AGBL1: variants seen among roughly 807,000 people sequenced by gnomAD.
AGBL1 encodes the protein cytosolic carboxypeptidase 4.
AGBL1 carries 130 observed loss-of-function variants against 118.9 expected under a neutral mutation model. The observed-to-expected ratio is 1.09, with a 90% CI of 0.95 to 1.26. The LOEUF is 1.26. AGBL1 is among the 50% of genes most tolerant of loss of function. The pLI, the probability that AGBL1 is intolerant of heterozygous loss-of-function variation, is 0.00. For missense variants in AGBL1, 1,584 were observed against 1,298.1 expected (o/e 1.22, Z -3.38); for synonymous variants, 555 against 478.9 (o/e 1.16, Z -2.08).
chr15:86,173,240 T>A (rs2077438671), intron 5 of AGBL1: 1 of 152,274 alleles, frequency 6.6e-6, no homozygotes, highest in Non-Finnish European at 1.5e-5. Context: ...TACTCTCAGA[T>A]GTCTCTACCA....
intron 17 of AGBL1, among the ~76,000 whole-genome samples, chr15:86,395,314 T>C (rs1245421867): frequency 6.6e-6 from 1 of 152,098 alleles, no homozygotes; most frequent in Non-Finnish European, 1.5e-5. Context: ...TTTTGGCATA[T>C]GTCCCTTTCT....
At chr15:86,263,013 C>T in intron 10 of AGBL1, 119 bp downstream of exon 10, 1 of 723,256 alleles carries the variant, frequency 1.4e-6, no homozygotes, top group Non-Finnish European at 2.3e-6. Flanking sequence ...CCATATGCTT[C>T]TGGGCTCTTC....
chr15:86,737,485 T>G (rs1244676849), intron 22 of AGBL1, among the ~76,000 whole-genome samples: 1 of 152,162 alleles, frequency 6.6e-6, no homozygotes, highest in African/African-American at 2.4e-5. Flanking sequence ...AAAATGGAGG[T>G]TTCAAAAGCC....
chr15:86,801,960 A>T (rs1254411944), intron 22 of AGBL1, among the ~76,000 whole-genome samples: 1 of 152,178 alleles, frequency 6.6e-6, no homozygotes, highest in Non-Finnish European at 1.5e-5. Context: ...CCTGACAACA[A>T]CTTATGGATG....
chr15:86,604,554 T>C (rs1443838679), intron 21 of AGBL1, among the ~76,000 whole-genome samples: 1 of 152,156 alleles, frequency 6.6e-6, no homozygotes, highest in Non-Finnish European at 1.5e-5. Context: ...TCACCACACA[T>C]TTATCTGCCT....
chr15:86,803,516 G>T (rs1418054269), intron 22 of AGBL1, among the ~76,000 whole-genome samples: 2 of 152,074 alleles, frequency 1.3e-5, no homozygotes, highest in African/African-American at 4.8e-5. Context: ...ATATCAATTA[G>T]TATTTATCCT....
At position 86,286,735 on chromosome 15, in the gene AGBL1, G is replaced by GTGTGTATATATATATATATATATA; in HGVS notation, c.2220+6953_2220+6954insGTGTATATATATATATATATATAT. On this transcript the variant is annotated intron_variant, in intron 16 of 22. Coordinates refer to ENST00000614907, the MANE Select transcript of AGBL1 (RefSeq NM_001386094.1). The stretch of plus-strand genomic sequence containing the variant: ...TATATGTGTGTGTGTGTTTGTGTGT[G>GTGTGTATATATATATATATATATA]TATATATATATATAAAACTCCATCA... 1.3e-4 allele frequency among the ~76,000 whole-genome samples: 14 copies of GTGTGTATATATATATATATATATA among 106,252 alleles called. 2 individuals are homozygous for GTGTGTATATATATATATATATATA. Among genetic ancestry groups the GTGTGTATATATATATATATATATA allele is most frequent in the African/African-American group, 5.4e-4 (14 of 25,730 alleles). 69.7% of individuals were successfully genotyped at this position (106,252 alleles called of 152,430 possible).
downstream of AGBL1, among the ~76,000 whole-genome samples, chr15:87,030,894 TCTGG>T (rs1208270898): frequency 2.0e-5 from 3 of 151,850 alleles, no homozygotes; most frequent in Non-Finnish European, 4.4e-5. Context: ...AAGTCTACAC[TCTGG>T]TAGGATGTTG....
At chr15:86,233,220 A>G (rs143216219) in intron 6 of AGBL1, among the ~76,000 whole-genome samples, 99 of 152,322 alleles carry the variant, frequency 6.5e-4, no homozygotes, top group African/African-American at 2.4e-3. Flanking sequence ...TCTGGGTTCA[A>G]TGCAGCCATT....
chr15:86,968,653 C>G (rs1012983425), intron 23 of AGBL1, among the ~76,000 whole-genome samples: 2 of 151,910 alleles, frequency 1.3e-5, no homozygotes. Flanking sequence ...ACTCTTCAGC[C>G]ACCTCCCTTA....
intron 22 of AGBL1, among the ~76,000 whole-genome samples, chr15:86,753,381 C>CTTTCTT (rs1161515695): frequency 1.5e-5 from 2 of 137,262 alleles, no homozygotes; most frequent in Non-Finnish European, 3.1e-5. Flanking sequence ...TCAAGGCTTT[C>CTTTCTT]TTTCTTTTTC....
At chr15:86,270,162 G>C in intron 14 of AGBL1, 95 bp downstream of exon 14, 1 of 1,473,052 alleles carries the variant, frequency 6.8e-7, no homozygotes, top group Non-Finnish European at 9.0e-7. Context: ...TGGGTTCAGA[G>C]GGTTTGAAGT....
intron 22 of AGBL1, among the ~76,000 whole-genome samples, chr15:86,777,711 T>G (rs1288128715): frequency 6.6e-6 from 1 of 152,202 alleles, no homozygotes; most frequent in South Asian, 2.1e-4. Flanking sequence ...TTATTTTGAA[T>G]ATGTTTCATC....
intron 18 of AGBL1, among the ~76,000 whole-genome samples, chr15:86,513,752 T>C (rs1373871844): frequency 1.3e-5 from 2 of 152,116 alleles, no homozygotes; most frequent in Non-Finnish European, 2.9e-5. Flanking sequence ...TCCCTACTTA[T>C]TTATTTAAAT....
At chr15:86,742,935 T>C (rs540910683) in intron 22 of AGBL1, among the ~76,000 whole-genome samples, 1 of 152,288 alleles carries the variant, frequency 6.6e-6, no homozygotes, top group African/African-American at 2.4e-5. Context: ...ATGCTTGTTA[T>C]ATGGATAAAT....
chr15:86,808,687 T>TTTCCTTCCTCC (rs1275622727), intron 22 of AGBL1, among the ~76,000 whole-genome samples: 3 of 149,824 alleles, frequency 2.0e-5, no homozygotes, highest in Non-Finnish European at 4.5e-5. Context: ...TTCCTTCCTT[T>TTTCCTTCCTCC]TTCCTTCCTC....
At chr15:86,408,275 G>C (rs1204811314) in intron 18 of AGBL1, among the ~76,000 whole-genome samples, 1 of 152,140 alleles carries the variant, frequency 6.6e-6, no homozygotes, top group East Asian at 1.9e-4. Flanking sequence ...ATGACAAGAT[G>C]GGGGAGTAAA....
chr15:86,396,176 C>T (rs2081358612), intron 17 of AGBL1, among the ~76,000 whole-genome samples: 2 of 142,294 alleles, frequency 1.4e-5, no homozygotes, highest in Admixed American at 7.1e-5. Context: ...ATCATATATT[C>T]ATATATATGT....
chr15:86,368,693 A>T (rs555896054), intron 17 of AGBL1, among the ~76,000 whole-genome samples: 1 of 152,186 alleles, frequency 6.6e-6, no homozygotes, highest in African/African-American at 2.4e-5. Context: ...CAGTTAGTAG[A>T]CATGAGGATA....
Sources: gnomAD v4.1 joint callset for allele counts (sites outside exome capture counted in the v4.1 genomes callset) on GRCh38, gnomAD v4.1.1 for gene constraint, MANE v1.5 for transcripts, NCBI Gene and HGNC (gene_info 2026-07-23, HGNC 2026-07-21) for gene names.